TRAPPC9: variants seen among roughly 807,000 people sequenced by gnomAD.
TRAPPC9 encodes the protein IKK2 binding protein.
In TRAPPC9, 83 loss-of-function variants were observed where a neutral mutation model predicts 124.0. The ratio of observed to expected loss-of-function variants is 0.67; its 90% CI spans 0.56 to 0.80. The LOEUF (loss-of-function observed/expected upper bound fraction) is 0.80. Ranked by LOEUF, TRAPPC9 falls within the 30% of genes least tolerant of loss-of-function variation. The pLI, the probability that TRAPPC9 is intolerant of heterozygous loss-of-function variation, is 0.00. For synonymous variants in TRAPPC9, 638 were observed against 617.5 expected (o/e 1.03, Z -0.49); for missense variants, 1,302 against 1,508.3 (o/e 0.86, Z 2.27).
chr8:140,432,803 C>T (rs960552532), intron 4 of TRAPPC9, among the ~76,000 whole-genome samples: 1 of 151,394 alleles, frequency 6.6e-6, no homozygotes, highest in African/African-American at 2.4e-5. Context: ...ACCCGGGAGG[C>T]GGAGGTTGCA....
At chr8:140,306,627 G>T (rs377696469) in intron 10 of TRAPPC9, among the ~76,000 whole-genome samples, 2 of 152,146 alleles carry the variant, frequency 1.3e-5, no homozygotes, top group African/African-American at 4.8e-5. Flanking sequence ...ATTAAAGCGT[G>T]CACATTTTTA....
At chr8:139,736,431 C>T (rs2129998801) in intron 21 of TRAPPC9, among the ~76,000 whole-genome samples, 1 of 152,348 alleles carries the variant, frequency 6.6e-6, no homozygotes, top group African/African-American at 2.4e-5. Context: ...TCCTTCCTTG[C>T]TCCACAGCTG....
Position 140,349,360 on chromosome 8 carries a change from A to AGGGCACACAGCGGGGCCGAAGG in TRAPPC9, c.1495+10689_1495+10690insCCTTCGGCCCCGCTGTGTGCCC, listed in dbSNP as rs1563964610. 1.5e-3 allele frequency among the ~76,000 whole-genome samples: 126 copies of AGGGCACACAGCGGGGCCGAAGG among 86,640 alleles called. 3 individuals are homozygous for AGGGCACACAGCGGGGCCGAAGG. The highest frequency in any genetic ancestry group is 3.2e-3 in the Admixed American group (28 of 8,632). The allele number at this position is 86,640 out of a possible 152,430, so 56.8% of individuals were successfully genotyped here. A position where few individuals can be genotyped will look rare whatever the true frequency, so the allele number is the denominator to read the frequency against. On this transcript the variant is annotated intron_variant, in intron 9 of 22. Transcript: ENST00000438773. ...GGGGCCGAAGGGGGCGCGCGAGGGA[A>AGGGCACACAGCGGGGCCGAAGG]GGGCGCGCGAGGGAAGGGCACACAG...
At chr8:139,861,840 C>T (rs9886485) in intron 21 of TRAPPC9, among the ~76,000 whole-genome samples, 93,837 of 151,640 alleles carry the variant, frequency 0.62, 31,224 homozygotes, top group African/African-American at 0.86. Flanking sequence ...ATCACTCCAT[C>T]CCCCACAAAA....
At chr8:139,818,554 C>T (rs770719161) in intron 21 of TRAPPC9, among the ~76,000 whole-genome samples, 1 of 150,428 alleles carries the variant, frequency 6.6e-6, no homozygotes, top group Non-Finnish European at 1.5e-5. Context: ...CTAGTCTGGG[C>T]AATAGAGCAA....
intron 21 of TRAPPC9, among the ~76,000 whole-genome samples, chr8:139,766,507 G>T (rs1820593958): frequency 6.6e-6 from 1 of 152,190 alleles, no homozygotes; most frequent in Non-Finnish European, 1.5e-5. Context: ...GCAAGTTGTG[G>T]CTCTGTCTAA....
At chr8:139,755,650 GTTGGGGT>G (rs1819691188) in intron 21 of TRAPPC9, among the ~76,000 whole-genome samples, 1 of 125,908 alleles carries the variant, frequency 7.9e-6, no homozygotes, top group Admixed American at 7.7e-5. Context: ...AGGAGCCAGG[GTTGGGGT>G]ATAAGGACAG....
At chr8:140,442,866 G>A (rs1588364939) in intron 2 of TRAPPC9, among the ~76,000 whole-genome samples, 1 of 151,956 alleles carries the variant, frequency 6.6e-6, no homozygotes. Context: ...CTGGCGAGGT[G>A]GCTCATGCCT....
chr8:139,884,214 T>A (rs897561933), intron 21 of TRAPPC9, among the ~76,000 whole-genome samples: 2 of 152,026 alleles, frequency 1.3e-5, no homozygotes, highest in African/African-American at 4.8e-5. Flanking sequence ...GGGCAGTTCG[T>A]GCCCTGGGAA....
chr8:140,332,259 C>G (rs556722416), intron 9 of TRAPPC9, among the ~76,000 whole-genome samples: 6 of 152,312 alleles, frequency 3.9e-5, no homozygotes, highest in East Asian at 1.9e-4. Context: ...CATGTTCTCT[C>G]TCATATGTGG....
chr8:139,927,959 G>T (rs1832908298), intron 19 of TRAPPC9, among the ~76,000 whole-genome samples: 1 of 152,204 alleles, frequency 6.6e-6, no homozygotes, highest in Admixed American at 6.5e-5. Flanking sequence ...GACTGCAAAA[G>T]GGCACAAAGA....
At chr8:140,042,057 A>G (rs577050373) in intron 17 of TRAPPC9, among the ~76,000 whole-genome samples, 1 of 152,336 alleles carries the variant, frequency 6.6e-6, no homozygotes, top group African/African-American at 2.4e-5. Context: ...TTGAATATGG[A>G]ACGTTTATGA....
chr8:140,183,710 C>G (rs1015571248), intron 17 of TRAPPC9, among the ~76,000 whole-genome samples: 1 of 151,858 alleles, frequency 6.6e-6, no homozygotes, highest in Non-Finnish European at 1.5e-5. Flanking sequence ...CAAAAATTAG[C>G]TGGGCATGGT....
At chr8:140,396,356 T>C (rs374271460) in intron 7 of TRAPPC9, among the ~76,000 whole-genome samples, 3 of 152,058 alleles carry the variant, frequency 2.0e-5, no homozygotes, top group African/African-American at 4.8e-5. Flanking sequence ...TTATCCAGGA[T>C]GGTCTCGATC....
intron 19 of TRAPPC9, among the ~76,000 whole-genome samples, chr8:139,923,461 G>T (rs532647370): frequency 6.6e-6 from 1 of 152,170 alleles, no homozygotes; most frequent in Admixed American, 6.5e-5. Flanking sequence ...TCCCCACCCC[G>T]AACTCACGTT....
chr8:139,901,727 G>A (rs908526422), intron 20 of TRAPPC9, among the ~76,000 whole-genome samples: 1 of 152,230 alleles, frequency 6.6e-6, no homozygotes, highest in Non-Finnish European at 1.5e-5. Context: ...AGAAGCCAGA[G>A]GCTCTTGTGC....
At chr8:139,884,913 A>T (rs947242320) in intron 21 of TRAPPC9, among the ~76,000 whole-genome samples, 1 of 152,196 alleles carries the variant, frequency 6.6e-6, no homozygotes, top group African/African-American at 2.4e-5. Context: ...CTGCAGGATC[A>T]GGGGGTCTCC....
At chr8:140,232,067 C>T (rs1235115654) in intron 16 of TRAPPC9, among the ~76,000 whole-genome samples, 1 of 151,748 alleles carries the variant, frequency 6.6e-6, no homozygotes, top group Non-Finnish European at 1.5e-5. Context: ...AGCCACTGTG[C>T]CCAGCCTGTT....
rs1842064365 is a variant in TRAPPC9 at position 140,052,545 on chromosome 8, G to A, written c.2557-28466C>T. ...GCCTGTAATCCCAGCACTTTGGGAG[G>A]CCAAGGTGGGCAGATCACTTGAGGT... On this transcript the variant is annotated intron_variant, in intron 17 of 22. Transcript: ENST00000438773. Among the ~76,000 whole-genome samples the A allele has an allele frequency of 1.3e-5, 2 of 152,194 alleles. 1 individual carries two copies. Among genetic ancestry groups the A allele is most frequent in the South Asian group, 4.1e-4 (2 of 4,826 alleles).
Sources: gnomAD v4.1 joint callset for allele counts (sites outside exome capture counted in the v4.1 genomes callset) on GRCh38, gnomAD v4.1.1 for gene constraint, MANE v1.5 for transcripts, NCBI Gene and HGNC (gene_info 2026-07-23, HGNC 2026-07-21) for gene names.